Variants in SOCS6 observed in about 807,000 individuals in gnomAD.
SOCS6 encodes the protein suppressor of cytokine signaling 6.
SOCS6 carries 5 observed loss-of-function variants against 27.7 expected under a neutral mutation model. The ratio of observed to expected loss-of-function variants is 0.18; its 90% CI spans 0.09 to 0.38. The LOEUF (loss-of-function observed/expected upper bound fraction) is 0.38. SOCS6 is among the 10% of genes least tolerant of loss of function. SOCS6 has a pLI of 1.00. For synonymous variants in SOCS6, 271 were observed against 260.0 expected, an observed-to-expected ratio of 1.04 and a Z score of -0.41; for missense variants, 595 against 688.1, an observed-to-expected ratio of 0.86 and a Z score of 1.51.
At position 70,325,301 on chromosome 18, in the gene SOCS6, C is replaced by T. The variant is rs554423991; in HGVS notation, c.633C>T (p.Val211=). 1.1e-5 allele frequency: 18 copies of T among 1,614,162 alleles called. No homozygotes were observed. Among genetic ancestry groups the T allele is most frequent in the African/African-American group, 4.0e-5 (3 of 75,028 alleles). ...LHLHLDEHVP[V]VIGLMPQDYI... is the part of the protein sequence containing the mutation. ...TTCACCTGGATGAACATGTGCCTGT[C>T]GTTATTGGACTTATGCCTCAGGACT... Residue 211 remains valine (V), a synonymous_variant, in exon 2 of 2, where the codon GTC becomes GTT. Coordinates refer to ENST00000397942, the MANE Select transcript of SOCS6 (RefSeq NM_004232.4). This position sits in a 1 kb window ranked among gnomAD's most constrained non-coding sequence, Gnocchi z 6.3.
At chr18:70,323,205 T>C (rs1911054151) in intron 1 of SOCS6, among the ~76,000 whole-genome samples, 1 of 152,184 alleles carries the variant, frequency 6.6e-6, no homozygotes, top group Admixed American at 6.5e-5. Context: ...AGCATTTCGC[T>C]CAAGTCAAGC....
chr18:70,307,478 A>G (rs754531128), intron 1 of SOCS6, among the ~76,000 whole-genome samples: 2 of 152,100 alleles, frequency 1.3e-5, no homozygotes, highest in Non-Finnish European at 2.9e-5. Flanking sequence ...CCCGAGCCTG[A>G]CCTTTCTTTA....
intron 1 of SOCS6, among the ~76,000 whole-genome samples, chr18:70,304,875 T>A (rs1453516594): frequency 2.0e-5 from 3 of 152,222 alleles, no homozygotes; most frequent in African/African-American, 7.2e-5. Flanking sequence ...AGGAACTCTT[T>A]GTCCAAACTA....
intron 1 of SOCS6, among the ~76,000 whole-genome samples, chr18:70,297,534 C>T (rs1476684195): frequency 6.6e-6 from 1 of 152,202 alleles, no homozygotes; most frequent in Non-Finnish European, 1.5e-5. Context: ...GAAATGCCTG[C>T]TGATCTGTAG....
chr18:70,300,205 C>T (rs2062342256), intron 1 of SOCS6, among the ~76,000 whole-genome samples: 1 of 152,116 alleles, frequency 6.6e-6, no homozygotes. Flanking sequence ...TGACTCACTG[C>T]AACCTCTGTC....
intron 1 of SOCS6, among the ~76,000 whole-genome samples, chr18:70,311,220 G>A (rs1221884799): frequency 6.6e-6 from 1 of 152,146 alleles, no homozygotes; most frequent in Non-Finnish European, 1.5e-5. Flanking sequence ...ATCCTAGAAG[G>A]TAATGAGTTC....
intron 1 of SOCS6, 136 bp from the exon 2 acceptor site, chr18:70,324,407 C>G: frequency 3.4e-6 from 1 of 297,564 alleles, no homozygotes; most frequent in East Asian, 7.2e-5. Flanking sequence ...AGAAAGAAAG[C>G]CCGGTCCTAA....
intron 1 of SOCS6, among the ~76,000 whole-genome samples, chr18:70,300,067 G>A (rs1428952485): frequency 6.6e-6 from 1 of 152,090 alleles, no homozygotes; most frequent in African/African-American, 2.4e-5. Context: ...CTTCTTAAAT[G>A]CAACTTGTTA....
At chr18:70,303,344 C>T (rs996392283) in intron 1 of SOCS6, among the ~76,000 whole-genome samples, 2 of 152,082 alleles carry the variant, frequency 1.3e-5, no homozygotes, top group African/African-American at 2.4e-5. Flanking sequence ...AGGATGTTTC[C>T]AATTTTTTTA....
Position 70,324,985 on chromosome 18 carries a change from C to T in SOCS6, c.317C>T (p.Ser106Phe), listed in dbSNP as rs1308893046. Residue 106 changes from serine to phenylalanine, a missense_variant, in exon 2 of 2, where the codon TCC becomes TTC. Ser to Phe is a radical substitution (Grantham distance 155). This residue lies in a region of SOCS6 where 467 missense variants were observed against 481.1 expected (regional missense o/e 0.97). Transcript: ENST00000397942. Reference sequence around the variant, plus strand: ...TCTGCCGACGAGGACACCTTCTCCTCCTCCTCAGCACCCATAGTCTTTAAA... The same window carrying T: ...TCTGCCGACGAGGACACCTTCTCCTTCTCCTCAGCACCCATAGTCTTTAAA... ...GSSADEDTFS[S>F]SSAPIVFKDV... 11 of 1,613,780 alleles carry T rather than the reference C, an allele frequency of 6.8e-6. No homozygotes were observed. The highest frequency in any genetic ancestry group is 8.5e-6 in the Non-Finnish European group (10 of 1,179,940).
chr18:70,291,288 G>A (rs2062298256), intron 1 of SOCS6, among the ~76,000 whole-genome samples: 2 of 152,030 alleles, frequency 1.3e-5, no homozygotes, highest in South Asian at 4.2e-4. Context: ...TTTTTGGAGA[G>A]GTGGGGTCTT....
At chr18:70,290,674 C>T (rs1316405808) in intron 1 of SOCS6, among the ~76,000 whole-genome samples, 2 of 152,134 alleles carry the variant, frequency 1.3e-5, no homozygotes, top group Non-Finnish European at 2.9e-5. Flanking sequence ...ATAAGGATTC[C>T]TAGAAGAACT....
chr18:70,310,468 GTT>G (rs1306876861), intron 1 of SOCS6, among the ~76,000 whole-genome samples: 58 of 104,590 alleles, frequency 5.5e-4, no homozygotes, highest in Middle Eastern at 8.8e-3. Flanking sequence ...TTTTTGTGGG[GTT>G]TTTTTTTTTT....
Position 70,325,762 on chromosome 18 carries a change from G to A in SOCS6, c.1094G>A (p.Gly365Asp). The A allele has an allele frequency of 6.2e-7, 1 of 1,614,224 alleles. No individual in the cohort carries two copies. The highest frequency in any genetic ancestry group is 8.5e-7 in the Non-Finnish European group (1 of 1,180,040). The change falls in exon 2 of 2, where the codon GGT becomes GAT. Residue 365 changes from glycine (G) to aspartate (D), a missense_variant. Physicochemically the swap from Gly to Asp is moderately conservative, Grantham distance 94. Around this residue, in one of 2 missense-constraint regions of SOCS6, gnomAD observed 467 missense variants for 481.1 expected, o/e 0.97. Coordinates refer to ENST00000397942, the MANE Select transcript of SOCS6 (RefSeq NM_004232.4). This position sits in a 1 kb window ranked among gnomAD's most constrained non-coding sequence, Gnocchi z 6.3. ...GTTTATGACTCAGTGCAAAGTAGTG[G>A]TCCCATGGTTGTGACAAGCCTTACA... ...ARVYDSVQSS[G>D]PMVVTSLTEE...
chr18:70,317,468 A>G (rs1294944770), intron 1 of SOCS6, among the ~76,000 whole-genome samples: 1 of 138,570 alleles, frequency 7.2e-6, no homozygotes, highest in Admixed American at 6.9e-5. Context: ...AGATACATAT[A>G]TACACATATA....
chr18:70,305,054 A>G (rs1373586936), intron 1 of SOCS6, among the ~76,000 whole-genome samples: 1 of 152,130 alleles, frequency 6.6e-6, no homozygotes, highest in Non-Finnish European at 1.5e-5. Flanking sequence ...AGAAAATACA[A>G]AAATTTGCCG....
chr18:70,295,379 T>C (rs1458181688), intron 1 of SOCS6, among the ~76,000 whole-genome samples: 3 of 152,232 alleles, frequency 2.0e-5, no homozygotes, highest in African/African-American at 4.8e-5. Context: ...ATCAATAATA[T>C]GCTAGATGGT....
At chr18:70,293,024 C>T (rs1175060161) in intron 1 of SOCS6, among the ~76,000 whole-genome samples, 1 of 152,012 alleles carries the variant, frequency 6.6e-6, no homozygotes, top group Non-Finnish European at 1.5e-5. Context: ...ACTTTGTTTA[C>T]TTGTTTCTGC....
Position 70,324,606 on chromosome 18 carries a change from A to C in SOCS6, c.-63A>C, listed in dbSNP as rs1911114814. 41 of 1,133,622 alleles carry C rather than the reference A, an allele frequency of 3.6e-5. No individual in the cohort carries two copies. The South Asian group carries it at 6.1e-4, about 17-fold the overall frequency. 70.2% of individuals were successfully genotyped at this position (1,133,622 alleles called of 1,614,324 possible). The stretch of plus-strand genomic sequence containing the variant: ...ATAGATGCAGCCTTGCAGCCTCTCC[A>C]GATGTTTGGGGATAATATTCCAGAT... On this transcript the variant is annotated 5_prime_UTR_variant, in exon 2 of 2. Transcript: ENST00000397942.
Sources: gnomAD v4.1 joint callset for allele counts (sites outside exome capture counted in the v4.1 genomes callset) on GRCh38, gnomAD v4.1.1 for gene constraint, gnomAD v4.1.1 regional missense constraint, Gnocchi (gnomAD v3.1) non-coding constraint, MANE v1.5 for transcripts, NCBI Gene and HGNC (gene_info 2026-07-23, HGNC 2026-07-21) for gene names.